Variants in ANKS1B observed in about 807,000 individuals in gnomAD.
The protein encoded by ANKS1B is ankyrin repeat and sterile alpha motif domain containing 1B, also known as ankyrin repeat and sterile alpha motif domain-containing protein 1B.
Under a neutral mutation model 148.3 loss-of-function variants are expected in ANKS1B, and 36 were observed. The ratio of observed to expected loss-of-function variants is 0.24; its 90% CI spans 0.19 to 0.32. ANKS1B has a LOEUF of 0.32. ANKS1B is among the 10% of genes least tolerant of loss of function. The probability of loss-of-function intolerance (pLI) is 1.00; values close to 1 mark genes in which losing one functional copy is unlikely to be tolerated. For missense variants in ANKS1B, 1,157 were observed against 1,542.6 expected (o/e 0.75, Z 4.19); for synonymous variants, 542 against 560.8 (o/e 0.97, Z 0.47).
chr12:99,016,876 C>T (rs919956879), intron 17 of ANKS1B, among the ~76,000 whole-genome samples: 1 of 152,152 alleles, frequency 6.6e-6, no homozygotes, highest in African/African-American at 2.4e-5. Context: ...ACTGGGCCTG[C>T]CCCAGGGACT....
At chr12:98,863,930 G>T (rs1441316812) in intron 17 of ANKS1B, among the ~76,000 whole-genome samples, 1 of 152,176 alleles carries the variant, frequency 6.6e-6, no homozygotes, top group African/African-American at 2.4e-5. Flanking sequence ...CGCATACGTG[G>T]CAACAGATTT....
intron 24 of ANKS1B, among the ~76,000 whole-genome samples, chr12:98,777,770 T>C (rs1199333474): frequency 1.3e-5 from 2 of 152,198 alleles, no homozygotes; most frequent in Non-Finnish European, 2.9e-5. Flanking sequence ...CTCTAACCCT[T>C]TCCCATGAAT....
chr12:99,841,301 C>T (rs1363832532), intron 1 of ANKS1B, among the ~76,000 whole-genome samples: 1 of 151,956 alleles, frequency 6.6e-6, no homozygotes, highest in Non-Finnish European at 1.5e-5. Flanking sequence ...GGTCATACAG[C>T]TTTTCCCTTT....
At chr12:99,896,876 T>G (rs1174452369) in intron 1 of ANKS1B, among the ~76,000 whole-genome samples, 1 of 151,282 alleles carries the variant, frequency 6.6e-6, no homozygotes, top group Non-Finnish European at 1.5e-5. Context: ...AGTGCAAAAC[T>G]AGTCTGTTAA....
At chr12:98,950,902 G>A (rs375352092) in intron 17 of ANKS1B, among the ~76,000 whole-genome samples, 2 of 152,164 alleles carry the variant, frequency 1.3e-5, no homozygotes, top group African/African-American at 4.8e-5. Flanking sequence ...ACAGATGTGA[G>A]CCACTGTGTC....
intron 8 of ANKS1B, among the ~76,000 whole-genome samples, chr12:99,665,748 A>T (rs2098503520): frequency 6.6e-6 from 1 of 152,128 alleles, no homozygotes; most frequent in African/African-American, 2.4e-5. Flanking sequence ...AGCCTCCCAA[A>T]GTGCTGCGAT....
intron 10 of ANKS1B, among the ~76,000 whole-genome samples, chr12:99,494,015 T>C (rs1041964717): frequency 1.3e-5 from 2 of 152,104 alleles, no homozygotes; most frequent in African/African-American, 2.4e-5. Context: ...TCTCAACTTT[T>C]AGAGTCATGC....
chr12:99,558,816 G>A (rs1421155667), intron 9 of ANKS1B, among the ~76,000 whole-genome samples: 3 of 152,172 alleles, frequency 2.0e-5, no homozygotes, highest in African/African-American at 7.2e-5. Context: ...GAGGAGCATG[G>A]CAAGCCTTGG....
At chr12:99,931,133 T>A (rs1307245659) in intron 1 of ANKS1B, among the ~76,000 whole-genome samples, 1 of 151,806 alleles carries the variant, frequency 6.6e-6, no homozygotes, top group Non-Finnish European at 1.5e-5. Flanking sequence ...ATAGGTGGAA[T>A]TGAACAATGA....
At chr12:99,445,500 T>C (rs924449386) in intron 10 of ANKS1B, among the ~76,000 whole-genome samples, 2 of 152,006 alleles carry the variant, frequency 1.3e-5, no homozygotes, top group Non-Finnish European at 2.9e-5. Flanking sequence ...GTATAAACTA[T>C]AAACTTTGGG....
chr12:98,820,781 C>CAAGAGAGAA (rs1422788022), intron 19 of ANKS1B, among the ~76,000 whole-genome samples: 89 of 152,252 alleles, frequency 5.8e-4, no homozygotes, highest in South Asian at 1.0e-3. Flanking sequence ...ATAGGAGCTT[C>CAAGAGAGAA]TTGGACAGTG....
At chr12:99,434,153 A>C (rs907887066) in intron 11 of ANKS1B, among the ~76,000 whole-genome samples, 2 of 152,142 alleles carry the variant, frequency 1.3e-5, no homozygotes, top group African/African-American at 4.8e-5. Context: ...ATAGTCAAAC[A>C]GATTTCCTTG....
chr12:99,438,091 G>T (rs1335841584), intron 11 of ANKS1B, among the ~76,000 whole-genome samples: 1 of 151,738 alleles, frequency 6.6e-6, no homozygotes, highest in Non-Finnish European at 1.5e-5. Context: ...CACAGTAAGA[G>T]TTGTCTTTCT....
intron 17 of ANKS1B, chr12:98,894,877 C>T (rs1431309601): frequency 3.1e-6 from 3 of 977,328 alleles, no homozygotes; most frequent in African/African-American, 3.5e-5. Flanking sequence ...GCTCCCCGGG[C>T]CCGCGCGCGC....
At chr12:99,568,952 T>C (rs968945211) in intron 9 of ANKS1B, among the ~76,000 whole-genome samples, 5 of 152,212 alleles carry the variant, frequency 3.3e-5, no homozygotes, top group African/African-American at 1.2e-4. Context: ...TTCATACTGA[T>C]TACCTAGTGC....
In ANKS1B at chr12:98,745,370, CTTTA is replaced by C. The variant is rs2097856771; in HGVS notation, c.*365_*368del. On this transcript the variant is annotated 3_prime_UTR_variant, in exon 27 of 27. Transcript: ENST00000683438. ...ACTTTTAGGCAGTATTAGAGATCCC[CTTTA>C]CTTTTTTTTTTTTTTTTTTTTTTTT... The C allele has an allele frequency of 3.6e-6, 3 of 834,658 alleles. No individual in the cohort carries two copies. The highest frequency in any genetic ancestry group is 4.2e-6 in the Non-Finnish European group (3 of 722,100). The allele number at this position is 834,658 out of a possible 1,614,324, so 51.7% of individuals were successfully genotyped here.
intron 16 of ANKS1B, among the ~76,000 whole-genome samples, chr12:99,081,399 T>C (rs2049703429): frequency 6.6e-6 from 1 of 152,124 alleles, no homozygotes; most frequent in Non-Finnish European, 1.5e-5. Flanking sequence ...AGACTGAAAT[T>C]GTATAAACAA....
At chr12:99,544,826 AAGTCT>A (rs1367268609) in intron 9 of ANKS1B, among the ~76,000 whole-genome samples, 1 of 152,126 alleles carries the variant, frequency 6.6e-6, no homozygotes, top group African/African-American at 2.4e-5. Context: ...CTTCTGTATA[AAGTCT>A]TACATAGTTT....
intron 14 of ANKS1B, among the ~76,000 whole-genome samples, chr12:99,235,726 A>C (rs528497672): frequency 6.6e-6 from 1 of 152,304 alleles, no homozygotes; most frequent in Admixed American, 6.5e-5. Flanking sequence ...TCAGTTTTAA[A>C]ATCTAATGCA....
Sources: gnomAD v4.1 joint callset for allele counts (sites outside exome capture counted in the v4.1 genomes callset) on GRCh38, gnomAD v4.1.1 for gene constraint, MANE v1.5 for transcripts, NCBI Gene and HGNC (gene_info 2026-07-23, HGNC 2026-07-21) for gene names.